Variants in AAGAB observed in about 807,000 individuals in gnomAD.
AAGAB encodes alpha- and gamma-adaptin-binding protein p34.
In AAGAB, 38 loss-of-function variants were observed where a neutral mutation model predicts 44.1. The observed-to-expected ratio is 0.86, with a 90% confidence interval of 0.67 to 1.13. AAGAB has a LOEUF of 1.13. Among genes scored for constraint, AAGAB ranks in the 50% most tolerant of loss-of-function variants. The probability of loss-of-function intolerance (pLI) is 0.00; values close to 1 mark genes in which losing one functional copy is unlikely to be tolerated. For missense variants in AAGAB, 450 were observed against 373.8 expected (o/e 1.20, Z -1.68); for synonymous variants, 131 against 131.8 (o/e 0.99, Z 0.04).
chr15:67,237,369 T>C (rs1168269588), intron 1 of AAGAB, among the ~76,000 whole-genome samples: 3 of 152,262 alleles, frequency 2.0e-5, no homozygotes, highest in Admixed American at 1.3e-4. Flanking sequence ...CAATCCTATT[T>C]ATATTCAGCC....
chr15:67,251,022 G>A (rs1421382332), intron 1 of AAGAB, among the ~76,000 whole-genome samples: 6 of 151,970 alleles, frequency 3.9e-5, no homozygotes, highest in African/African-American at 7.3e-5. Flanking sequence ...GTGAGACTCC[G>A]TCTCAATAAT....
intron 1 of AAGAB, among the ~76,000 whole-genome samples, chr15:67,239,820 A>T (rs913280673): frequency 6.6e-6 from 1 of 152,240 alleles, no homozygotes; most frequent in African/African-American, 2.4e-5. Context: ...TGATTTTCAA[A>T]TGCTTAACAA....
At chr15:67,221,834 A>T (rs547044772) in intron 5 of AAGAB, among the ~76,000 whole-genome samples, 20 of 152,306 alleles carry the variant, frequency 1.3e-4, no homozygotes, top group African/African-American at 4.8e-4. Flanking sequence ...CCATTCCAGC[A>T]ATCTGAGTCT....
At chr15:67,250,259 C>A (rs112582956) in intron 1 of AAGAB, among the ~76,000 whole-genome samples, 1 of 152,144 alleles carries the variant, frequency 6.6e-6, no homozygotes, top group Non-Finnish European at 1.5e-5. Context: ...TCACTGCAAC[C>A]TCTGCCTGCT....
chr15:67,229,422 G>C (rs1196292456), intron 5 of AAGAB, among the ~76,000 whole-genome samples: 1 of 140,978 alleles, frequency 7.1e-6, no homozygotes, highest in Non-Finnish European at 1.5e-5. Context: ...AACAGAGCGA[G>C]AGTCCGTCTT....
At chr15:67,228,553 G>C (rs1157816915) in intron 5 of AAGAB, among the ~76,000 whole-genome samples, 1 of 152,208 alleles carries the variant, frequency 6.6e-6, no homozygotes, top group Non-Finnish European at 1.5e-5. Flanking sequence ...AGCCACTGTG[G>C]AAAGCAGTTT....
At chr15:67,255,162 G>A (rs186769959), upstream of AAGAB, 45 of 596,348 alleles carry the variant, frequency 7.5e-5, no homozygotes, top group Admixed American at 8.3e-4. Flanking sequence ...CCAGAAGCAG[G>A]ACTTTCTGCC....
intron 1 of AAGAB, among the ~76,000 whole-genome samples, chr15:67,241,817 A>G (rs1319511918): frequency 1.3e-5 from 2 of 152,204 alleles, no homozygotes; most frequent in Non-Finnish European, 2.9e-5. Context: ...GAGGTAGGTT[A>G]CAGATGCACT....
chr15:67,254,405 G>C, intron 1 of AAGAB, 154 bp downstream of exon 1: 1 of 1,427,658 alleles, frequency 7.0e-7, no homozygotes, highest in Non-Finnish European at 9.2e-7. Context: ...AAGAGATAGG[G>C]GCAGCCACCT....
intron 5 of AAGAB, among the ~76,000 whole-genome samples, chr15:67,220,856 A>G (rs1309284446): frequency 2.0e-5 from 3 of 152,222 alleles, no homozygotes; most frequent in East Asian, 1.9e-4. Context: ...TTTTTGAATC[A>G]TATCTACTTT....
intron 1 of AAGAB, among the ~76,000 whole-genome samples, chr15:67,238,715 A>G (rs1362766055): frequency 1.9e-5 from 2 of 103,558 alleles, no homozygotes; most frequent in African/African-American, 6.0e-5. Flanking sequence ...TTTTTTTTTG[A>G]GACGGAGTCT....
intron 5 of AAGAB, among the ~76,000 whole-genome samples, chr15:67,218,969 G>A (rs1964010302): frequency 6.6e-6 from 1 of 152,184 alleles, no homozygotes; most frequent in African/African-American, 2.4e-5. Flanking sequence ...CCACCCAAAT[G>A]TAAAGGCAGT....
intron 1 of AAGAB, among the ~76,000 whole-genome samples, chr15:67,251,218 G>A (rs1964861865): frequency 7.0e-6 from 1 of 143,076 alleles, no homozygotes; most frequent in Non-Finnish European, 1.5e-5. Flanking sequence ...TTAAGTGCGT[G>A]TGTGTGTGTG....
chr15:67,252,047 C>A (rs1159304452), intron 1 of AAGAB, among the ~76,000 whole-genome samples: 1 of 152,094 alleles, frequency 6.6e-6, no homozygotes, highest in African/African-American at 2.4e-5. Flanking sequence ...TGATCTTAAC[C>A]CGAACTGGAA....
At chr15:67,229,256 AC>A (rs1341973648) in intron 5 of AAGAB, among the ~76,000 whole-genome samples, 20 of 151,452 alleles carry the variant, frequency 1.3e-4, no homozygotes. Flanking sequence ...ACATGGTGAA[AC>A]CCCCGTCTCT....
intron 1 of AAGAB, among the ~76,000 whole-genome samples, chr15:67,237,432 C>G (rs1325122344): frequency 1.3e-5 from 2 of 152,156 alleles, no homozygotes; most frequent in Non-Finnish European, 2.9e-5. Flanking sequence ...CAAGACACTT[C>G]CGATAAATTT....
chr15:67,229,430 C>CT (rs1328525853), intron 5 of AAGAB, among the ~76,000 whole-genome samples: 2 of 131,090 alleles, frequency 1.5e-5, no homozygotes, highest in African/African-American at 5.6e-5. Flanking sequence ...GAGAGTCCGT[C>CT]TTAAAAAAAA....
At chr15:67,252,926 AGT>A (rs1382502476) in intron 1 of AAGAB, among the ~76,000 whole-genome samples, 1 of 152,234 alleles carries the variant, frequency 6.6e-6, no homozygotes, top group Non-Finnish European at 1.5e-5. Context: ...CAGTTTACAA[AGT>A]GTGTTCAAAA....
intron 1 of AAGAB, among the ~76,000 whole-genome samples, chr15:67,249,668 G>A (rs915117930): frequency 2.0e-5 from 3 of 152,106 alleles, no homozygotes; most frequent in African/African-American, 4.8e-5. Flanking sequence ...GGGGTTAATC[G>A]TCTCTCTCAT....
Sources: allele counts gnomAD v4.1 joint callset (sites outside exome capture counted in the v4.1 genomes callset), GRCh38; gene constraint gnomAD v4.1.1; transcripts MANE v1.5; gene names NCBI Gene and HGNC (gene_info 2026-07-23, HGNC 2026-07-21).